The following APAF1 variants were observed in gnomAD, a reference collection of about 807,000 sequenced individuals.
APAF1 encodes the protein apoptotic protease-activating factor 1.
In APAF1, 91 loss-of-function variants were observed where a neutral mutation model predicts 152.4. That is an observed-to-expected ratio of 0.60 (90% CI 0.50 to 0.71). The LOEUF is 0.71. Among genes scored for constraint, APAF1 ranks in the 30% least tolerant of loss-of-function variants. The probability of loss-of-function intolerance (pLI) is 0.00; values close to 1 mark genes in which losing one functional copy is unlikely to be tolerated. For missense variants in APAF1, 1,283 were observed against 1,472.0 expected (o/e 0.87, Z 2.10); for synonymous variants, 484 against 494.1 (o/e 0.98, Z 0.27).
intron 12 of APAF1, among the ~76,000 whole-genome samples, chr12:98,676,400 G>A (rs1279493047): frequency 2.0e-5 from 3 of 151,876 alleles, no homozygotes; most frequent in Admixed American, 6.6e-5. Flanking sequence ...GTAGAGATGG[G>A]GTTTCACCAT....
chr12:98,717,353 T>TAC (rs576861432), intron 22 of APAF1, among the ~76,000 whole-genome samples: 188 of 150,942 alleles, frequency 1.2e-3, no homozygotes, highest in Non-Finnish European at 1.2e-3. Flanking sequence ...AGAAATTATA[T>TAC]ACACACACAC....
At chr12:98,710,285 T>G (rs1219102855) in intron 20 of APAF1, among the ~76,000 whole-genome samples, 3 of 151,860 alleles carry the variant, frequency 2.0e-5, no homozygotes, top group Admixed American at 6.6e-5. Context: ...CAGCTTGAGT[T>G]AACTTTTTCC....
In APAF1 at chr12:98,712,413, G is replaced by A; in HGVS notation, c.2936G>A (p.Gly979Glu). 1 of 1,607,770 alleles carries A rather than the reference G, an allele frequency of 6.2e-7. No individual in the cohort carries two copies. The highest frequency in any genetic ancestry group is 8.5e-7 in the Non-Finnish European group (1 of 1,174,294). ...LSPHLQYIAF[G>E]DENGAIEILE... ...CCACATCTTCAGTACATTGCATTTGGAGATGAAAATGGAGCCATTGAGGTA... is the reference window on the plus strand; with the variant it reads ...CCACATCTTCAGTACATTGCATTTGAAGATGAAAATGGAGCCATTGAGGTA... The change falls in exon 21 of 27, where the codon GGA (glycine) becomes GAA (glutamate). Residue 979 changes from glycine to glutamate, a missense_variant. Coordinates refer to ENST00000551964, the MANE Select transcript of APAF1 (RefSeq NM_181861.2).
At position 98,706,542 on chromosome 12, in the gene APAF1, G is replaced by A; in HGVS notation, c.2653G>A (p.Val885Ile). 1 of 1,614,012 alleles carries A rather than the reference G, an allele frequency of 6.2e-7. No individual in the cohort carries two copies. Among genetic ancestry groups the A allele is most frequent in the Non-Finnish European group, 8.5e-7 (1 of 1,179,920 alleles). The part of the protein sequence containing the change: ...VADCRGHLSW[V>I]HGVMFSPDGS... ...TGATTGCAGAGGACATTTAAGTTGG[G>A]TTCATGGTGTGATGTTTTCTCCTGA... The change falls in exon 19 of 27, where the codon GTT (valine) becomes ATT (isoleucine). Residue 885 changes from valine to isoleucine, a missense_variant. By Grantham distance (29) the Val-to-Ile change is conservative. Coordinates refer to ENST00000551964, the MANE Select transcript of APAF1 (RefSeq NM_181861.2).
At chr12:98,670,050 T>C (rs1419364819) in intron 10 of APAF1, among the ~76,000 whole-genome samples, 1 of 152,072 alleles carries the variant, frequency 6.6e-6, no homozygotes, top group Non-Finnish European at 1.5e-5. Context: ...GCTCAGGTGA[T>C]CCTTCCACCT....
At chr12:98,662,425 A>G (rs371399207) in intron 5 of APAF1, 31 bp from the exon 6 acceptor site, 33 of 1,454,142 alleles carry the variant, frequency 2.3e-5, no homozygotes, top group Non-Finnish European at 1.6e-5. Context: ...GATAAGTGTC[A>G]TTAGTGATTA....
intron 15 of APAF1, among the ~76,000 whole-genome samples, chr12:98,685,375 C>T (rs1476577642): frequency 2.0e-5 from 3 of 148,688 alleles, no homozygotes; most frequent in African/African-American, 5.0e-5. Context: ...CTTGCTCTGT[C>T]GCCAGGCTGG....
intron 15 of APAF1, among the ~76,000 whole-genome samples, chr12:98,684,263 T>A (rs1005271446): frequency 3.3e-5 from 5 of 152,190 alleles, no homozygotes; most frequent in Non-Finnish European, 7.3e-5. Flanking sequence ...TTTATTTATT[T>A]ATTTATTTTT....
rs200621810 is a variant in APAF1, at chr12:98,648,667, A to C, written c.180A>C (p.Ile60=). The C allele has an allele frequency of 1.2e-6, 2 of 1,613,772 alleles. No individual in the cohort carries two copies. The highest frequency in any genetic ancestry group is 1.7e-6 in the Non-Finnish European group (2 of 1,179,962). The change falls in exon 3 of 27, where the codon ATA becomes ATC. Residue 60 remains isoleucine, a synonymous_variant. Transcript: ENST00000551964. The stretch of plus-strand genomic sequence containing the variant: ...GAGCAGCTATGCTGATTAAAATGAT[A>C]CTTAAAAAAGATAATGATTCCTACG... The part of the protein sequence containing the change: ...QQRAAMLIKM[I]LKKDNDSYVS...
chr12:98,699,942 A>G (rs144131396), intron 17 of APAF1, among the ~76,000 whole-genome samples: 210 of 152,094 alleles, frequency 1.4e-3, no homozygotes, highest in African/African-American at 4.7e-3. Flanking sequence ...TTTTTCTTCA[A>G]TTTTGATTAC....
chr12:98,654,369 T>TCA (rs2097653674), intron 4 of APAF1, among the ~76,000 whole-genome samples: 1 of 152,200 alleles, frequency 6.6e-6, no homozygotes, highest in Admixed American at 6.5e-5. Flanking sequence ...GGTAGCCATA[T>TCA]CAGGATGCTT....
intron 14 of APAF1, among the ~76,000 whole-genome samples, chr12:98,682,434 C>T (rs1470942619): frequency 6.6e-6 from 1 of 152,194 alleles, no homozygotes; most frequent in Non-Finnish European, 1.5e-5. Context: ...TTATCAATTT[C>T]CTGCTACAGC....
chr12:98,723,753 A>G lies in APAF1; in HGVS notation c.3319A>G (p.Lys1107Glu), dbSNP rs758874019. 5 of 1,613,896 alleles carry G rather than the reference A, an allele frequency of 3.1e-6. No individual in the cohort carries two copies. The highest frequency in any genetic ancestry group is 2.2e-5 in the South Asian group (2 of 91,082). ...CAAGTTTTCATCTACCTCTGCTGAC[A>G]AGACTGCAAAGGTAGGTCAATCAAT... ...ATKFSSTSADKTAKIWSFDLL... is the reference protein window; with the variant it reads ...ATKFSSTSADETAKIWSFDLL... Residue 1107 changes from lysine (K) to glutamate (E), a missense_variant, in exon 24 of 27, where the codon AAG becomes GAG. By Grantham distance (56) the Lys-to-Glu change is moderately conservative. Transcript: ENST00000551964.
rs1174147601 is a variant in APAF1 at position 98,727,966 on chromosome 12, AAATT to A, written c.3600+669_3600+672del. Among the ~76,000 whole-genome samples the A allele has an allele frequency of 5.7e-3, 843 of 147,956 alleles. 17 individuals are homozygous for A. Among genetic ancestry groups the A allele is most frequent in the African/African-American group, 0.019 (755 of 39,626 alleles). On this transcript the variant is annotated intron_variant, in intron 26 of 26. Transcript: ENST00000551964. ...CAAAAAAGAAAATAAATAAATAAAT[AAATT>A]AATTAATTAATTAATTAAAAAAATA...
chr12:98,702,345 G>A (rs544893755), intron 17 of APAF1, among the ~76,000 whole-genome samples: 1 of 152,062 alleles, frequency 6.6e-6, no homozygotes, highest in Non-Finnish European at 1.5e-5. Context: ...GATTACAGGC[G>A]TGAGCCACCG....
intron 21 of APAF1, among the ~76,000 whole-genome samples, 160 bp from the exon 22 acceptor site, chr12:98,715,267 T>TG (rs1464917092): frequency 3.5e-5 from 4 of 115,404 alleles, no homozygotes; most frequent in East Asian, 3.3e-4. Flanking sequence ...TATATATATA[T>TG]ATATATATAT....
In APAF1 at chr12:98,732,854, A is replaced by G; in HGVS notation, c.*288A>G. 2.8e-6 allele frequency: 1 copy of G among 350,932 alleles called. No individual in the cohort carries two copies. Among genetic ancestry groups the G allele is most frequent in the Non-Finnish European group, 5.3e-6 (1 of 190,182 alleles). The allele number at this position is 350,932 out of a possible 1,614,324, so 21.7% of individuals were successfully genotyped here. Reference sequence around the variant, plus strand: ...TGTTGGTAAAATTCTGTCTTGATGCATTCAAAATGGTTGACATAATTAATG... The same window carrying G: ...TGTTGGTAAAATTCTGTCTTGATGCGTTCAAAATGGTTGACATAATTAATG... On this transcript the variant is annotated 3_prime_UTR_variant, in exon 27 of 27. Coordinates refer to ENST00000551964, the MANE Select transcript of APAF1 (RefSeq NM_181861.2).
chr12:98,653,486 G>A (rs754190099), intron 4 of APAF1, among the ~76,000 whole-genome samples: 7 of 149,714 alleles, frequency 4.7e-5, no homozygotes, highest in South Asian at 4.2e-4. Flanking sequence ...GTGAAACCCC[G>A]TCTCTACTAA....
chr12:98,714,335 G>A (rs1286160548), intron 21 of APAF1, among the ~76,000 whole-genome samples: 1 of 152,170 alleles, frequency 6.6e-6, no homozygotes, highest in Non-Finnish European at 1.5e-5. Context: ...GAAATTACCA[G>A]CATTTACCTA....
Sources: gnomAD v4.1 joint callset for allele counts (sites outside exome capture counted in the v4.1 genomes callset) on GRCh38, gnomAD v4.1.1 for gene constraint, MANE v1.5 for transcripts, NCBI Gene and HGNC (gene_info 2026-07-23, HGNC 2026-07-21) for gene names.